Variants in PPM1H observed in about 807,000 individuals in gnomAD.
PPM1H encodes the protein protein phosphatase, Mg2+/Mn2+ dependent 1H.
In PPM1H, 27 loss-of-function variants were observed where a neutral mutation model predicts 54.9. That is an observed-to-expected ratio of 0.49 (90% CI 0.36 to 0.68). The LOEUF is 0.68. PPM1H is among the 30% of genes least tolerant of loss of function. The pLI is 0.00. For synonymous variants in PPM1H, 305 were observed against 270.8 expected, an observed-to-expected ratio of 1.13 and a Z score of -1.24; for missense variants, 596 against 667.8, an observed-to-expected ratio of 0.89 and a Z score of 1.19.
At chr12:62,746,368 AGGGAAATTTTCAAT>A (rs1028771622) in intron 4 of PPM1H, among the ~76,000 whole-genome samples, 1 of 152,142 alleles carries the variant, frequency 6.6e-6, no homozygotes, top group African/African-American at 2.4e-5. Context: ...CAGTGGCCAT[AGGGAAATTTTCAAT>A]GTGTTCCATC....
chr12:62,779,448 T>C (rs1397549024), intron 4 of PPM1H, among the ~76,000 whole-genome samples: 1 of 152,220 alleles, frequency 6.6e-6, no homozygotes, highest in Admixed American at 6.5e-5. Context: ...AAGAACCCAC[T>C]ACATTCTTCA....
At chr12:62,840,402 C>CAT (rs1169138083) in intron 1 of PPM1H, among the ~76,000 whole-genome samples, 2 of 152,152 alleles carry the variant, frequency 1.3e-5, no homozygotes, top group Non-Finnish European at 2.9e-5. Flanking sequence ...TCAACATATG[C>CAT]ATTGGGAGGG....
chr12:62,919,212 G>A (rs1283578256), intron 1 of PPM1H, among the ~76,000 whole-genome samples: 1 of 152,240 alleles, frequency 6.6e-6, no homozygotes, highest in African/African-American at 2.4e-5. Flanking sequence ...CAACAAGAAA[G>A]AGGACATCAG....
chr12:62,764,036 C>T (rs1448968880), intron 4 of PPM1H, among the ~76,000 whole-genome samples: 1 of 152,224 alleles, frequency 6.6e-6, no homozygotes, highest in Non-Finnish European at 1.5e-5. Flanking sequence ...TTTTCTTTGT[C>T]TGCACTGGTT....
intron 7 of PPM1H, 41 bp from the exon 8 acceptor site, chr12:62,689,847 G>C: frequency 7.1e-7 from 1 of 1,402,620 alleles, no homozygotes; most frequent in Non-Finnish European, 1.0e-6. Context: ...CACGCACACA[G>C]TGAAAGCATC....
chr12:62,694,062 C>A, intron 6 of PPM1H, 63 bp from the exon 7 acceptor site: 1 of 1,412,848 alleles, frequency 7.1e-7, no homozygotes, highest in Non-Finnish European at 9.8e-7. Context: ...GCTGCCCTGA[C>A]ACCGACTGCT....
rs115713222 is a variant in PPM1H, at chr12:62,750,395, T to C, written c.870-12809A>G. Among the ~76,000 whole-genome samples, 824 of 152,366 alleles carry C rather than the reference T, an allele frequency of 5.4e-3. 11 individuals are homozygous for C. The highest frequency in any genetic ancestry group is 0.019 in the African/African-American group (789 of 41,578). ...TACAATACATGGTCTTTATGACTGG[T>C]TTCATTTGCTAAACAGATGTTTTCA... is the stretch of plus-strand genomic sequence containing the variant. On this transcript the variant is annotated intron_variant, in intron 4 of 9. Coordinates refer to ENST00000228705, the MANE Select transcript of PPM1H (RefSeq NM_020700.2).
chr12:62,785,321 C>T (rs927941340), intron 4 of PPM1H, among the ~76,000 whole-genome samples: 1 of 152,170 alleles, frequency 6.6e-6, no homozygotes, highest in Non-Finnish European at 1.5e-5. Context: ...GGACTACCGG[C>T]GTGTGCCGCC....
intron 1 of PPM1H, among the ~76,000 whole-genome samples, chr12:62,881,771 C>T (rs1240450196): frequency 3.9e-5 from 6 of 152,224 alleles, no homozygotes; most frequent in Non-Finnish European, 8.8e-5. Context: ...AATCCCTCCT[C>T]TCCAGAAACA....
chr12:62,692,982 T>C (rs961081721), intron 7 of PPM1H, among the ~76,000 whole-genome samples: 2 of 140,228 alleles, frequency 1.4e-5, no homozygotes, highest in Admixed American at 7.0e-5. Flanking sequence ...ATGGAAGGCA[T>C]CCTTTGGTTT....
intron 2 of PPM1H, among the ~76,000 whole-genome samples, chr12:62,825,923 A>T (rs911221739): frequency 6.6e-6 from 1 of 152,072 alleles, no homozygotes; most frequent in Non-Finnish European, 1.5e-5. Flanking sequence ...ACCAATTACA[A>T]TTAAAAAAAA....
At chr12:62,828,488 G>A (rs1382007414) in intron 2 of PPM1H, among the ~76,000 whole-genome samples, 11 of 152,118 alleles carry the variant, frequency 7.2e-5, no homozygotes, top group African/African-American at 2.7e-4. Context: ...TCTCAGTGAT[G>A]CCTTCATTAA....
chr12:62,870,903 G>T (rs1050596425), intron 1 of PPM1H, among the ~76,000 whole-genome samples: 1 of 152,170 alleles, frequency 6.6e-6, no homozygotes, highest in Non-Finnish European at 1.5e-5. Flanking sequence ...TATAAAAAAA[G>T]ATACAATAAC....
intron 8 of PPM1H, among the ~76,000 whole-genome samples, chr12:62,684,098 C>A (rs1456859913): frequency 6.6e-6 from 1 of 152,180 alleles, no homozygotes; most frequent in Non-Finnish European, 1.5e-5. Flanking sequence ...CTTCACTAAG[C>A]AAGAGGATGG....
chr12:62,853,299 G>A (rs1869263718), intron 1 of PPM1H, among the ~76,000 whole-genome samples: 1 of 152,036 alleles, frequency 6.6e-6, no homozygotes, highest in South Asian at 2.1e-4. Flanking sequence ...ATGAATCTAG[G>A]TGAAAGATAT....
rs114626700 is a variant in PPM1H at position 62,864,036 on chromosome 12, T to G, written c.246-31757A>C. On this transcript the variant is annotated intron_variant, in intron 1 of 9. Coordinates refer to ENST00000228705, the MANE Select transcript of PPM1H (RefSeq NM_020700.2). ...CAACACTTTAAGTTTAGAGCACTGGTTCTACTGCAGGGGATATTTGACAAT... is the reference window on the plus strand; with the variant it reads ...CAACACTTTAAGTTTAGAGCACTGGGTCTACTGCAGGGGATATTTGACAAT... 8.6e-3 allele frequency among the ~76,000 whole-genome samples: 1,312 copies of G among 152,334 alleles called. 25 individuals are homozygous for G. Among genetic ancestry groups the G allele is most frequent in the African/African-American group, 0.03 (1,243 of 41,582 alleles).
intron 3 of PPM1H, 138 bp from the exon 4 acceptor site, chr12:62,788,476 CTACCACCTGATGAGCA>C: frequency 1.7e-6 from 1 of 595,304 alleles, no homozygotes; most frequent in Non-Finnish European, 3.0e-6. Flanking sequence ...GCTTGCTTTC[CTACCACCTGATGAGCA>C]TTTCTGGAGA....
intron 5 of PPM1H, among the ~76,000 whole-genome samples, chr12:62,731,499 C>T (rs1247980198): frequency 6.6e-6 from 1 of 152,136 alleles, no homozygotes; most frequent in South Asian, 2.1e-4. Context: ...CTGCAGACAA[C>T]TCTTGAGCAG....
chr12:62,724,854 A>G (rs970166930), intron 5 of PPM1H, among the ~76,000 whole-genome samples: 1 of 152,172 alleles, frequency 6.6e-6, no homozygotes, highest in Non-Finnish European at 1.5e-5. Flanking sequence ...TTAATAAGGG[A>G]TATAGAATTG....
Sources: allele counts gnomAD v4.1 joint callset (sites outside exome capture counted in the v4.1 genomes callset), GRCh38; gene constraint gnomAD v4.1.1; transcripts MANE v1.5; gene names NCBI Gene and HGNC (gene_info 2026-07-23, HGNC 2026-07-21).